CAPN15: variants seen among roughly 807,000 people sequenced by gnomAD.
The protein encoded by CAPN15 is calpain 15, also known as calpain-15.
A neutral mutation model predicts 97.9 loss-of-function variants in CAPN15; 53 were observed. That is an observed-to-expected ratio of 0.54 (90% confidence interval 0.43 to 0.68). CAPN15 has a LOEUF of 0.68. Ranked by LOEUF, CAPN15 falls within the 30% of genes least tolerant of loss-of-function variation. The pLI is 0.00. For missense variants in CAPN15, 1,592 were observed against 1,589.8 expected (o/e 1.00, Z -0.02); for synonymous variants, 922 against 722.5 (o/e 1.28, Z -4.43).
intron 3 of CAPN15, among the ~76,000 whole-genome samples, chr16:542,110 C>T (rs754161210): frequency 1.6e-4 from 24 of 152,254 alleles, no homozygotes; most frequent in African/African-American, 2.9e-4. Context: ...CACTCGGCAC[C>T]GTGCCCTCCA....
chr16:528,766 A>G, intron 1 of CAPN15: 6 of 985,356 alleles, frequency 6.1e-6, no homozygotes, highest in Non-Finnish European at 7.2e-6. Context: ...ACCTGAGGCC[A>G]GGCCTGGGTG....
chr16:551,981 G>A lies in CAPN15; in HGVS notation c.2346-70G>A, dbSNP rs552813439. 1,174 of 1,476,192 alleles carry A rather than the reference G, an allele frequency of 8.0e-4. 2 individuals carry two copies. The highest frequency in any genetic ancestry group is 1.1e-3 in the Admixed American group (52 of 49,140). The allele number at this position is 1,476,192 out of a possible 1,614,324, so 91.4% of individuals were successfully genotyped here. On this transcript the variant is annotated intron_variant, in intron 9 of 13. Coordinates refer to ENST00000219611, the MANE Select transcript of CAPN15 (RefSeq NM_005632.3). Reference sequence around the variant, plus strand: ...CTGCTGGGGTCACCGGCCTGTGGTTGCGGTAGGCGCTGAGCCACGGAGGTG... The same window carrying A: ...CTGCTGGGGTCACCGGCCTGTGGTTACGGTAGGCGCTGAGCCACGGAGGTG...
chr16:549,344 T>C lies in CAPN15; in HGVS notation c.1715T>C (p.Met572Thr). Residue 572 changes from methionine to threonine, a missense_variant, in exon 6 of 14, where the codon ATG becomes ACG. Met to Thr is a moderately conservative substitution (Grantham distance 81). Coordinates refer to ENST00000219611, the MANE Select transcript of CAPN15 (RefSeq NM_005632.3). The part of the protein sequence containing the change: ...AERPDLVERV[M>T]VTRSLCAEGA... Reference sequence around the variant, plus strand: ...CGGCCGGACCTGGTGGAGCGGGTGATGGTCACGCGCAGCCTGTGTGCAGAG... The same window carrying C: ...CGGCCGGACCTGGTGGAGCGGGTGACGGTCACGCGCAGCCTGTGTGCAGAG... The C allele has an allele frequency of 6.3e-7, 1 of 1,595,504 alleles. No individual in the cohort carries two copies. The highest frequency in any genetic ancestry group is 8.5e-7 in the Non-Finnish European group (1 of 1,177,458).
At position 547,815 on chromosome 16, in the gene CAPN15, G is replaced by T. The variant is rs748581792; in HGVS notation, c.977G>T (p.Gly326Val). ...TSGSDIIDLAGDTVRYTPASP... is the reference protein window; with the variant it reads ...TSGSDIIDLAVDTVRYTPASP... Reference sequence around the variant, plus strand: ...GGCAGTGACATCATTGACCTGGCCGGAGACACCGTGCGTTACACGCCCGCC... The same window carrying T: ...GGCAGTGACATCATTGACCTGGCCGTAGACACCGTGCGTTACACGCCCGCC... Residue 326 changes from glycine (G) to valine (V), a missense_variant, in exon 4 of 14, where the codon GGA becomes GTA. Coordinates refer to ENST00000219611, the MANE Select transcript of CAPN15 (RefSeq NM_005632.3). 27 of 1,611,706 alleles carry T rather than the reference G, an allele frequency of 1.7e-5. No homozygotes were observed. In the Admixed American group the frequency reaches 3.8e-4, roughly 23 times the overall value.
chr16:552,219 G>A lies in CAPN15; in HGVS notation c.2507+7G>A, dbSNP rs1322316731. The A allele has an allele frequency of 6.5e-7, 1 of 1,532,074 alleles. No individual in the cohort carries two copies. Among genetic ancestry groups the A allele is most frequent in the Non-Finnish European group, 8.8e-7 (1 of 1,137,426 alleles). The allele number at this position is 1,532,074 out of a possible 1,614,324, so 94.9% of individuals were successfully genotyped here. On this transcript the variant is annotated splice_region_variant and intron_variant, in intron 10 of 13. Coordinates refer to ENST00000219611, the MANE Select transcript of CAPN15 (RefSeq NM_005632.3). The surrounding 1 kb of genome is among the most constrained non-coding windows in gnomAD (Gnocchi z 6.4). ...TCTTCCAGGAGGGCAGCAGGTGGGT[G>A]CTGCGGGGCCCCATCGGGCTGGGCT...
chr16:540,120 C>T (rs1419553512), intron 3 of CAPN15: 2 of 985,358 alleles, frequency 2.0e-6, no homozygotes, highest in Non-Finnish European at 1.2e-6. Flanking sequence ...TCCCTCCATG[C>T]TCCGCTTCGC....
chr16:552,191 C>A lies in CAPN15; in HGVS notation c.2486C>A (p.Ala829Glu). Residue 829 changes from alanine (A) to glutamate (E), a missense_variant, in exon 10 of 14, where the codon GCG becomes GAG. Around this residue, in one of 3 missense-constraint regions of CAPN15, gnomAD observed 644 missense variants for 699.6 expected, o/e 0.92. Transcript: ENST00000219611. The surrounding 1 kb of genome is among the most constrained non-coding windows in gnomAD (Gnocchi z 6.4). ...CTGGAGCGGGCCTCGCTGGAGTTCG[C>A]GCTCTTCCAGGAGGGCAGCAGGTGG... ...TVLERASLEFALFQEGSRRSD... is the reference protein window; with the variant it reads ...TVLERASLEFELFQEGSRRSD... 1 of 1,535,798 alleles carries A rather than the reference C, an allele frequency of 6.5e-7. No individual in the cohort carries two copies. Among genetic ancestry groups the A allele is most frequent in the South Asian group, 1.2e-5 (1 of 82,268 alleles).
At position 546,948 on chromosome 16, in the gene CAPN15, A is replaced by G. The variant is rs1419535198; in HGVS notation, c.110A>G (p.His37Arg). 6.2e-7 allele frequency: 1 copy of G among 1,610,674 alleles called. No individual in the cohort carries two copies. Among genetic ancestry groups the G allele is most frequent in the East Asian group, 2.2e-5 (1 of 44,862 alleles). The change falls in exon 4 of 14, where the codon CAC becomes CGC. Residue 37 changes from histidine to arginine, a missense_variant. His to Arg is a conservative substitution (Grantham distance 29). Around this residue, in one of 3 missense-constraint regions of CAPN15, gnomAD observed 883 missense variants for 776.6 expected, o/e 1.14. Transcript: ENST00000219611. Reference protein sequence around the residue: ...EAPRHKPDLNHILRLSVEEQK... With the variant: ...EAPRHKPDLNRILRLSVEEQK... ...CCCCGGCACAAGCCCGACCTCAACC[A>G]CATCCTGCGGCTCAGCGTGGAGGAG...
chr16:550,696 T>TG (rs2034936570), intron 7 of CAPN15, among the ~76,000 whole-genome samples: 1 of 32,314 alleles, frequency 3.1e-5, no homozygotes, highest in Admixed American at 3.7e-4. Context: ...TCGGTGAGGG[T>TG]CCCGGTCGGT....
chr16:531,930 C>T (rs2033291106), intron 1 of CAPN15, among the ~76,000 whole-genome samples: 1 of 152,158 alleles, frequency 6.6e-6, no homozygotes, highest in Non-Finnish European at 1.5e-5. Context: ...TTGTCTGGTC[C>T]TTTTTTCCTG....
chr16:553,863 GCTCTGTCCGCAAA>G lies in CAPN15; in HGVS notation c.*348_*360del, dbSNP rs1567163835. On this transcript the variant is annotated 3_prime_UTR_variant, in exon 14 of 14. Coordinates refer to ENST00000219611, the MANE Select transcript of CAPN15 (RefSeq NM_005632.3). ...TCTCCTGCGGGCTAGGCAGCCAGGA[GCTCTGTCCGCAAA>G]ACCAAATCTGGGTGTCAGAGGCCAA... 1 of 234,370 alleles carries G rather than the reference GCTCTGTCCGCAAA, an allele frequency of 4.3e-6. No individual in the cohort carries two copies. The highest frequency in any genetic ancestry group is 8.3e-6 in the Non-Finnish European group (1 of 120,658). 14.5% of individuals were successfully genotyped at this position (234,370 alleles called of 1,614,324 possible).
intron 1 of CAPN15, among the ~76,000 whole-genome samples, chr16:530,170 T>C (rs2033149326): frequency 6.6e-6 from 1 of 152,240 alleles, no homozygotes; most frequent in African/African-American, 2.4e-5. Context: ...TGTGCGGTTC[T>C]CATGTGACCC....
chr16:549,648 G>A lies in CAPN15; in HGVS notation c.1876G>A (p.Glu626Lys). The A allele has an allele frequency of 4.5e-6, 7 of 1,556,306 alleles. No individual in the cohort carries two copies. The highest frequency in any genetic ancestry group is 5.2e-6 in the Non-Finnish European group (6 of 1,155,992). The change falls in exon 7 of 14, where the codon GAG becomes AAG. Residue 626 changes from glutamate (E) to lysine (K), a missense_variant. Transcript: ENST00000219611. Reference protein sequence around the residue: ...QRKQLWVALIEKALAKLHGSY... With the variant: ...QRKQLWVALIKKALAKLHGSY... ...GAAGCAGCTGTGGGTGGCCCTCATC[G>A]AGAAGGCGCTGGCCAAGCTGCACGG...
In CAPN15 at chr16:551,707, C is replaced by T. The variant is rs781520562; in HGVS notation, c.2345+43C>T. On this transcript the variant is annotated intron_variant, in intron 9 of 13. Coordinates refer to ENST00000219611, the MANE Select transcript of CAPN15 (RefSeq NM_005632.3). ...CGGTGTGCACGCCGCCCCCGCCCTC[C>T]TAGGGCCGAGTCCTTCTCTGGAGAA... 3.8e-6 allele frequency: 6 copies of T among 1,578,548 alleles called. 1 individual carries two copies. In the South Asian group the frequency reaches 6.7e-5, roughly 18 times the overall value.
At position 549,438 on chromosome 16, in the gene CAPN15, C is replaced by T; in HGVS notation, c.1809C>T (p.Pro603=). The part of the protein sequence containing the change: ...WTTVLVDDML[P]CDEAGCLLFS... Reference sequence around the variant, plus strand: ...CGGTGCTGGTGGACGACATGCTGCCCTGTGATGAGGCCGGCTGCCTCCTCT... The same window carrying T: ...CGGTGCTGGTGGACGACATGCTGCCTTGTGATGAGGCCGGCTGCCTCCTCT... The change falls in exon 6 of 14, where the codon CCC becomes CCT. Residue 603 remains proline, a synonymous_variant. Coordinates refer to ENST00000219611, the MANE Select transcript of CAPN15 (RefSeq NM_005632.3). 1 of 1,599,094 alleles carries T rather than the reference C, an allele frequency of 6.3e-7. No individual in the cohort carries two copies. The highest frequency in any genetic ancestry group is 1.1e-5 in the South Asian group (1 of 90,320).
At chr16:544,900 T>C (rs959631748) in intron 3 of CAPN15, among the ~76,000 whole-genome samples, 6 of 123,012 alleles carry the variant, frequency 4.9e-5, no homozygotes, top group African/African-American at 1.5e-4. Context: ...CCCCACGTCG[T>C]CGTCTCCCCT....
chr16:546,761 G>A, intron 3 of CAPN15, 56 bp from the exon 4 acceptor site: 1 of 1,499,786 alleles, frequency 6.7e-7, no homozygotes, highest in Non-Finnish European at 8.9e-7. Flanking sequence ...GAGGAGGGTG[G>A]GGTCCAGCCA....
In CAPN15 at chr16:547,505, G is replaced by A. The variant is rs377678059; in HGVS notation, c.667G>A (p.Glu223Lys). 1.1e-4 allele frequency: 171 copies of A among 1,598,172 alleles called. No homozygotes were observed. The highest frequency in any genetic ancestry group is 1.2e-4 in the Non-Finnish European group (143 of 1,179,152). The part of the protein sequence containing the change: ...PPATSQGPAA[E>K]PEPPRVPPFS... ...AGCCACCAGCCAGGGCCCAGCTGCC[G>A]AACCAGAGCCGCCCAGGGTCCCGCC... is the stretch of plus-strand genomic sequence containing the variant. The change falls in exon 4 of 14, where the codon GAA becomes AAA. Residue 223 changes from glutamate (E) to lysine (K), a missense_variant. By Grantham distance (56) the Glu-to-Lys change is moderately conservative. This residue lies in a region of CAPN15 where 883 missense variants were observed against 776.6 expected (regional missense o/e 1.14). Coordinates refer to ENST00000219611, the MANE Select transcript of CAPN15 (RefSeq NM_005632.3).
At chr16:537,848 G>C (rs1169267290) in intron 3 of CAPN15, 1 of 152,346 alleles carries the variant, frequency 6.6e-6, no homozygotes, top group Non-Finnish European at 1.5e-5. Context: ...TCGAGACCCC[G>C]TGGACCTCGC....
Sources: gnomAD v4.1 joint callset for allele counts (sites outside exome capture counted in the v4.1 genomes callset) on GRCh38, gnomAD v4.1.1 for gene constraint, gnomAD v4.1.1 regional missense constraint, Gnocchi (gnomAD v3.1) non-coding constraint, MANE v1.5 for transcripts, NCBI Gene and HGNC (gene_info 2026-07-23, HGNC 2026-07-21) for gene names.